The following ART4 variants were observed in gnomAD, a reference collection of about 807,000 sequenced individuals.
ART4 encodes the protein ADP-ribosyltransferase 4 (inactive) (Dombrock blood group).
A neutral mutation model predicts 24.2 loss-of-function variants in ART4; 14 were observed. The ratio of observed to expected loss-of-function variants is 0.58; its 90% CI spans 0.38 to 0.90. The LOEUF (loss-of-function observed/expected upper bound fraction) is 0.90, where lower values mean the gene tolerates loss of function less well. ART4 is among the 40% of genes least tolerant of loss of function. The pLI is 0.00. For synonymous variants in ART4, 145 were observed against 139.9 expected (o/e 1.04, Z -0.26); for missense variants, 356 against 366.6 (o/e 0.97, Z 0.24).
At chr12:14,830,913 C>T (rs1410247823) in intron 2 of ART4, among the ~76,000 whole-genome samples, 2 of 151,376 alleles carry the variant, frequency 1.3e-5, no homozygotes, top group Non-Finnish European at 2.9e-5. Context: ...ACCACTTTAG[C>T]AGGTCAATCA....
Position 14,840,592 on chromosome 12 carries a change from CA to C in ART4, c.705del (p.Val236TyrfsTer11). 1 of 1,614,178 alleles carries C rather than the reference CA, an allele frequency of 6.2e-7. No homozygotes were observed. The highest frequency in any genetic ancestry group is 8.5e-7 in the Non-Finnish European group (1 of 1,180,026). On this transcript the variant is annotated frameshift_variant, in exon 2 of 3. Coordinates refer to ENST00000228936, the MANE Select transcript of ART4 (RefSeq NM_021071.4). LOFTEE classifies it high-confidence loss of function. ...LFTIFTCLGA[P>X]VQYFSLKKEV... ...TCCTTCTTGAGGGAGAAGTACTGTA[CA>C]GGTGCACCCAGGCAGGTGAATATGG...
chr12:14,831,817 T>C (rs1022207788), intron 2 of ART4, among the ~76,000 whole-genome samples: 15 of 151,972 alleles, frequency 9.9e-5, no homozygotes, highest in African/African-American at 3.6e-4. Context: ...ATATAACATG[T>C]CAAATACCAA....
intron 2 of ART4, among the ~76,000 whole-genome samples, chr12:14,838,683 A>G (rs1287476654): frequency 1.3e-5 from 2 of 152,204 alleles, no homozygotes; most frequent in Admixed American, 1.3e-4. Context: ...ATTTATGGCT[A>G]GGACAGAGTG....
intron 2 of ART4, among the ~76,000 whole-genome samples, chr12:14,837,093 C>T (rs955071117): frequency 6.6e-6 from 1 of 151,832 alleles, no homozygotes; most frequent in African/African-American, 2.4e-5. Context: ...ACTGTGGATC[C>T]CCCAAACAAC....
intron 2 of ART4, among the ~76,000 whole-genome samples, chr12:14,837,431 T>C (rs1335029995): frequency 6.6e-6 from 1 of 152,226 alleles, no homozygotes; most frequent in African/African-American, 2.4e-5. Flanking sequence ...GCTGGGCACT[T>C]CTATGTGCCA....
Position 14,841,129 on chromosome 12 carries a change from A to C in ART4, c.169T>G (p.Phe57Val), listed in dbSNP as rs1465674614. Residue 57 changes from phenylalanine to valine, a missense_variant, in exon 2 of 3, where the codon TTC becomes GTC. Physicochemically the swap from Phe to Val is conservative, Grantham distance 50 (BLOSUM62 -1). Transcript: ENST00000228936. Reference protein sequence around the residue: ...SEVAIKIDFDFAPGSFDDQYQ... With the variant: ...SEVAIKIDFDVAPGSFDDQYQ... ...TGATCATCAAAAGAACCTGGTGCGAAGTCGAAGTCGATTTTAATTGCAACC... is the reference window on the plus strand; with the variant it reads ...TGATCATCAAAAGAACCTGGTGCGACGTCGAAGTCGATTTTAATTGCAACC... 3.2e-6 allele frequency: 5 copies of C among 1,571,778 alleles called. No homozygotes were observed. The East Asian group carries it at 1.1e-4, about 35-fold the overall frequency.
Sources: gnomAD v4.1 joint callset for allele counts (sites outside exome capture counted in the v4.1 genomes callset) on GRCh38, gnomAD v4.1.1 for gene constraint, MANE v1.5 for transcripts, NCBI Gene and HGNC (gene_info 2026-07-23, HGNC 2026-07-21) for gene names.